ULK4: variants seen among roughly 807,000 people sequenced by gnomAD.
ULK4 encodes unc-51 like kinase 4, also known as inactive serine/threonine-protein kinase ULK4.
A neutral mutation model predicts 160.6 loss-of-function variants in ULK4; 133 were observed. That is an observed-to-expected ratio of 0.83 (90% CI 0.72 to 0.96). ULK4 has a LOEUF of 0.96. Among genes scored for constraint, ULK4 ranks in the 40% least tolerant of loss-of-function variants. ULK4 has a pLI of 0.00. For missense variants in ULK4, 1,580 were observed against 1,499.5 expected (o/e 1.05, Z -0.89); for synonymous variants, 534 against 539.8 (o/e 0.99, Z 0.15).
intron 35 of ULK4, among the ~76,000 whole-genome samples, chr3:41,349,547 G>A (rs181707961): frequency 3.3e-5 from 5 of 152,162 alleles, no homozygotes; most frequent in African/African-American, 9.7e-5. Context: ...ATGGGCAGAC[G>A]CATGAGAGGG....
chr3:41,915,843 T>G, intron 8 of ULK4, 134 bp downstream of exon 8: 1 of 621,026 alleles, frequency 1.6e-6, no homozygotes, highest in South Asian at 2.2e-5. Context: ...ATTTGTATAT[T>G]AAGAACAGCA....
At chr3:41,460,045 G>A (rs1015387179) in intron 33 of ULK4, among the ~76,000 whole-genome samples, 6 of 152,162 alleles carry the variant, frequency 3.9e-5, no homozygotes, top group South Asian at 4.1e-4. Context: ...GGGGAAGGCC[G>A]TGAAGGAATC....
intron 35 of ULK4, among the ~76,000 whole-genome samples, chr3:41,305,872 G>A (rs1415377967): frequency 3.0e-5 from 4 of 134,036 alleles, no homozygotes; most frequent in African/African-American, 5.9e-5. Context: ...CTGCCCCCCC[G>A]CCCCGTCTGG....
intron 30 of ULK4, among the ~76,000 whole-genome samples, chr3:41,645,535 G>C (rs2034445419): frequency 6.6e-6 from 1 of 152,162 alleles, no homozygotes; most frequent in Non-Finnish European, 1.5e-5. Context: ...GTTCTAGTTT[G>C]ATTGCACTGT....
At chr3:41,661,454 T>TAC (rs1156720658) in intron 30 of ULK4, among the ~76,000 whole-genome samples, 2 of 143,456 alleles carry the variant, frequency 1.4e-5, no homozygotes, top group African/African-American at 6.0e-5. Context: ...CTCGTATACA[T>TAC]ACACACATAT....
chr3:41,859,397 G>A (rs558369680), intron 17 of ULK4: 95 of 565,450 alleles, frequency 1.7e-4, no homozygotes, highest in African/African-American at 1.6e-3. Flanking sequence ...TTTGTCAACT[G>A]TGGTCCAAAG....
intron 31 of ULK4, among the ~76,000 whole-genome samples, chr3:41,612,233 T>C (rs989204251): frequency 2.0e-5 from 3 of 152,116 alleles, no homozygotes; most frequent in South Asian, 2.1e-4. Context: ...ATACTTAGCA[T>C]TGAGTACACT....
intron 35 of ULK4, among the ~76,000 whole-genome samples, chr3:41,353,672 A>AAATAATAAT (rs142972443): frequency 9.1e-5 from 13 of 142,432 alleles, no homozygotes; most frequent in African/African-American, 3.2e-4. Flanking sequence ...TTTCTCTAAT[A>AAATAATAAT]AATAATAATA....
At chr3:41,641,540 TA>T (rs1180493947) in intron 30 of ULK4, among the ~76,000 whole-genome samples, 9 of 151,880 alleles carry the variant, frequency 5.9e-5, no homozygotes, top group African/African-American at 2.2e-4. Flanking sequence ...CTACAAAGAA[TA>T]AAAAAATTAG....
At chr3:41,781,028 G>A (rs1235744715) in intron 21 of ULK4, among the ~76,000 whole-genome samples, 1 of 151,860 alleles carries the variant, frequency 6.6e-6, no homozygotes, top group African/African-American at 2.4e-5. Context: ...CAGAAAGAGA[G>A]ATTTATAGAT....
chr3:41,424,521 G>T (rs1259060004), intron 34 of ULK4, among the ~76,000 whole-genome samples: 1 of 152,110 alleles, frequency 6.6e-6, no homozygotes, highest in Non-Finnish European at 1.5e-5. Context: ...ATTCCAACTG[G>T]CATTAGGTTG....
At chr3:41,434,135 TGAAA>T (rs2082980299) in intron 34 of ULK4, among the ~76,000 whole-genome samples, 1 of 152,188 alleles carries the variant, frequency 6.6e-6, no homozygotes, top group Admixed American at 6.5e-5. Context: ...TCAGTATCCC[TGAAA>T]GAAAAATAAA....
chr3:41,836,743 A>G (rs907311079), intron 17 of ULK4, among the ~76,000 whole-genome samples: 4 of 152,198 alleles, frequency 2.6e-5, no homozygotes, highest in African/African-American at 7.2e-5. Context: ...ATGTTATACT[A>G]AAGTTGTAAT....
intron 7 of ULK4, among the ~76,000 whole-genome samples, 161 bp downstream of exon 7, chr3:41,918,296 T>C (rs1699043531): frequency 1.3e-5 from 2 of 152,122 alleles, no homozygotes; most frequent in African/African-American, 4.8e-5. Flanking sequence ...CTTTAAAAAA[T>C]GGCAAAAGAA....
At chr3:41,432,886 C>T (rs767870911) in intron 34 of ULK4, among the ~76,000 whole-genome samples, 3 of 148,262 alleles carry the variant, frequency 2.0e-5, no homozygotes, top group South Asian at 2.1e-4. Context: ...ATCAAATAAA[C>T]GTTTAAAAAA....
chr3:41,310,063 C>A lies in ULK4; in HGVS notation c.3679-60489G>T, dbSNP rs1482941941. ...AACCTTGATGAACTTTAGTGTTTTTCAAACCATCTGTTGTGAAGGCTCCTC... is the reference window on the plus strand; with the variant it reads ...AACCTTGATGAACTTTAGTGTTTTTAAAACCATCTGTTGTGAAGGCTCCTC... On this transcript the variant is annotated intron_variant, in intron 35 of 36. Transcript: ENST00000301831. 2.0e-5 allele frequency among the ~76,000 whole-genome samples: 3 copies of A among 152,184 alleles called. No individual in the cohort carries two copies. The South Asian group carries it at 6.2e-4, about 32-fold the overall frequency.
At chr3:41,351,047 T>C (rs2080899284) in intron 35 of ULK4, among the ~76,000 whole-genome samples, 1 of 152,242 alleles carries the variant, frequency 6.6e-6, no homozygotes, top group African/African-American at 2.4e-5. Flanking sequence ...AACTTCTCCC[T>C]GGCAGACTGC....
intron 32 of ULK4, among the ~76,000 whole-genome samples, chr3:41,558,951 G>A (rs1291388363): frequency 7.2e-6 from 1 of 138,094 alleles, no homozygotes; most frequent in African/African-American, 2.5e-5. Context: ...ATGTATACAT[G>A]TGCCATGCTG....
At chr3:41,766,645 T>C (rs1340351880) in intron 21 of ULK4, 5 of 152,242 alleles carry the variant, frequency 3.3e-5, no homozygotes. Flanking sequence ...CTGGTTAGAC[T>C]TTCATTATTT....
Sources: gnomAD v4.1 joint callset for allele counts (sites outside exome capture counted in the v4.1 genomes callset) on GRCh38, gnomAD v4.1.1 for gene constraint, MANE v1.5 for transcripts, NCBI Gene and HGNC (gene_info 2026-07-23, HGNC 2026-07-21) for gene names.